Variants in TMEM71 observed in about 807,000 individuals in gnomAD.
TMEM71 encodes transmembrane protein 71.
A neutral mutation model predicts 38.0 loss-of-function variants in TMEM71; 44 were observed. The observed-to-expected ratio is 1.16, with a 90% CI of 0.91 to 1.49. The LOEUF (loss-of-function observed/expected upper bound fraction) is 1.49. TMEM71 is among the 40% of genes most tolerant of loss of function. The pLI, the probability that TMEM71 is intolerant of heterozygous loss-of-function variation, is 0.00. For missense variants in TMEM71, 367 were observed against 348.6 expected, an observed-to-expected ratio of 1.05 and a Z score of -0.42; for synonymous variants, 133 against 122.5, an observed-to-expected ratio of 1.09 and a Z score of -0.56.
At chr8:132,728,753 C>T (rs1157188131) in intron 5 of TMEM71, among the ~76,000 whole-genome samples, 1 of 152,192 alleles carries the variant, frequency 6.6e-6, no homozygotes, top group Non-Finnish European at 1.5e-5. Context: ...ATTCATTCAA[C>T]ATTTATTGAA....
chr8:132,720,212 C>T (rs1374222939), intron 7 of TMEM71, among the ~76,000 whole-genome samples: 2 of 152,134 alleles, frequency 1.3e-5, no homozygotes, highest in Non-Finnish European at 2.9e-5. Flanking sequence ...GAAGAGTTAC[C>T]TTTCTTACCC....
intron 3 of TMEM71, among the ~76,000 whole-genome samples, chr8:132,755,784 A>G (rs914748084): frequency 1.3e-5 from 2 of 152,198 alleles, no homozygotes; most frequent in African/African-American, 4.8e-5. Context: ...GTTATTGAAC[A>G]CTTAGCATGA....
At chr8:132,749,712 C>T (rs528908105) in intron 4 of TMEM71, among the ~76,000 whole-genome samples, 91 of 152,250 alleles carry the variant, frequency 6.0e-4, no homozygotes, top group African/African-American at 2.2e-3. Flanking sequence ...TGGACAATTA[C>T]ATGAGCAAGA....
intron 9 of TMEM71, among the ~76,000 whole-genome samples, chr8:132,713,729 A>G (rs1480531445): frequency 1.3e-5 from 2 of 152,226 alleles, no homozygotes; most frequent in Non-Finnish European, 2.9e-5. Context: ...CTATGAATCT[A>G]CAAAATCACT....
chr8:132,715,270 C>G (rs371146159), intron 7 of TMEM71, among the ~76,000 whole-genome samples: 1 of 151,034 alleles, frequency 6.6e-6, no homozygotes, highest in Non-Finnish European at 1.5e-5. Context: ...AATAGCCGGG[C>G]GTGGTGGCGG....
intron 5 of TMEM71, among the ~76,000 whole-genome samples, chr8:132,730,797 A>G (rs1044311533): frequency 3.3e-5 from 5 of 152,176 alleles, no homozygotes; most frequent in Non-Finnish European, 4.4e-5. Flanking sequence ...TGGTAAACTT[A>G]TGAACTGTAG....
At chr8:132,740,129 C>T (rs1827958587) in intron 5 of TMEM71, among the ~76,000 whole-genome samples, 1 of 152,164 alleles carries the variant, frequency 6.6e-6, no homozygotes. Flanking sequence ...TGAAATGACC[C>T]CACAGCTCCC....
At position 132,714,206 on chromosome 8, in the gene TMEM71, C is replaced by T. The variant is rs372197272; in HGVS notation, c.762G>A (p.Met254Ile). ...TGAAGACACTGGCTAATATTTCTCC[C>T]ATAAACCATCTGAAACAACAAGATT... is the stretch of plus-strand genomic sequence containing the variant. ...LIISACARWFMGEILASVFTC... is the reference protein window; with the variant it reads ...LIISACARWFIGEILASVFTC... Residue 254 changes from methionine (M) to isoleucine (I), a missense_variant, in exon 8 of 10, where the codon ATG (methionine) becomes ATA (isoleucine). Met to Ile is a conservative substitution (Grantham distance 10). Transcript: ENST00000677595. 4.1e-5 allele frequency: 66 copies of T among 1,611,156 alleles called. No homozygotes were observed. Among genetic ancestry groups the T allele is most frequent in the Non-Finnish European group, 5.2e-5 (61 of 1,178,888 alleles).
chr8:132,758,424 GA>G (rs1265306347), intron 2 of TMEM71: 1 of 176,724 alleles, frequency 5.7e-6, no homozygotes, highest in African/African-American at 2.4e-5. Flanking sequence ...GGGAGAGTTA[GA>G]AGTGGGGTTT....
intron 3 of TMEM71, among the ~76,000 whole-genome samples, chr8:132,756,998 C>A (rs1235371947): frequency 1.3e-5 from 2 of 151,968 alleles, no homozygotes; most frequent in Non-Finnish European, 2.9e-5. Flanking sequence ...GTCATTCTCC[C>A]GCCTCAGGCT....
chr8:132,764,376 T>C (rs1425039516), upstream of TMEM71, among the ~76,000 whole-genome samples: 2 of 151,644 alleles, frequency 1.3e-5, no homozygotes, highest in Non-Finnish European at 2.9e-5. Context: ...CTCTCTCCAA[T>C]ACACTCCCCA....
At chr8:132,751,264 T>C (rs2467985) in intron 4 of TMEM71, among the ~76,000 whole-genome samples, 46,395 of 152,092 alleles carry the variant, frequency 0.31, 7,311 homozygotes, top group Non-Finnish European at 0.33. Flanking sequence ...TGCTATTCCC[T>C]AAGTTTTACC....
At chr8:132,754,522 T>C (rs1042485779) in intron 3 of TMEM71, among the ~76,000 whole-genome samples, 5 of 152,220 alleles carry the variant, frequency 3.3e-5, no homozygotes, top group African/African-American at 1.2e-4. Context: ...TTGTTGTTGT[T>C]GTTTTTAACA....
At chr8:132,744,648 CA>C (rs1279753108) in intron 5 of TMEM71, among the ~76,000 whole-genome samples, 1 of 152,158 alleles carries the variant, frequency 6.6e-6, no homozygotes, top group Non-Finnish European at 1.5e-5. Flanking sequence ...ATCAAACTAT[CA>C]ATATTATTTT....
At chr8:132,749,516 G>A (rs1260986148) in intron 4 of TMEM71, among the ~76,000 whole-genome samples, 1 of 152,140 alleles carries the variant, frequency 6.6e-6, no homozygotes, top group Non-Finnish European at 1.5e-5. Flanking sequence ...TTTACGGGCT[G>A]GGGAAAGAAG....
rs1191971513 is a variant in TMEM71, at chr8:132,722,224, GT to G, written c.677-110del. The stretch of plus-strand genomic sequence containing the variant: ...TTGTACCCACCAAAAAAAAAAAAAA[GT>G]TTTGGAATGTATGTCAGTTCAAGCA... On this transcript the variant is annotated intron_variant, in intron 6 of 9. Transcript: ENST00000677595. 7.8e-6 allele frequency: 5 copies of G among 643,410 alleles called. No individual in the cohort carries two copies. In the East Asian group the frequency reaches 1.6e-4, roughly 21 times the overall value. 39.9% of individuals were successfully genotyped at this position (643,410 alleles called of 1,614,324 possible). A position where few individuals can be genotyped will look rare whatever the true frequency, so the allele number is the denominator to read the frequency against.
intron 3 of TMEM71, among the ~76,000 whole-genome samples, chr8:132,755,131 C>T (rs1417221384): frequency 6.6e-6 from 1 of 152,170 alleles, no homozygotes. Context: ...AGTTCTGGAC[C>T]TGTATTTCTA....
chr8:132,715,181 C>T (rs1020036228), intron 7 of TMEM71, among the ~76,000 whole-genome samples: 10 of 151,542 alleles, frequency 6.6e-5, no homozygotes, highest in Non-Finnish European at 1.0e-4. Context: ...CCGAGGCGGG[C>T]GGATCACGAG....
At position 132,747,064 on chromosome 8, in the gene TMEM71, T is replaced by G; in HGVS notation, c.365A>C (p.Asn122Thr). The change falls in exon 5 of 10, where the codon AAC becomes ACC. Residue 122 changes from asparagine (N) to threonine (T), a missense_variant. Transcript: ENST00000677595. ...CAGCCAAGATTTGGAGGTACTGAGG[T>G]TGAAGAGAGAAGAAAAGGAATGGCA... Reference protein sequence around the residue: ...RICHSFSSLFNLSTSKSWLHG... With the variant: ...RICHSFSSLFTLSTSKSWLHG... 1 of 1,613,014 alleles carries G rather than the reference T, an allele frequency of 6.2e-7. No individual in the cohort carries two copies. Among genetic ancestry groups the G allele is most frequent in the Non-Finnish European group, 8.5e-7 (1 of 1,179,676 alleles).
Sources: gnomAD v4.1 joint callset for allele counts (sites outside exome capture counted in the v4.1 genomes callset) on GRCh38, gnomAD v4.1.1 for gene constraint, MANE v1.5 for transcripts, NCBI Gene and HGNC (gene_info 2026-07-23, HGNC 2026-07-21) for gene names.